The following FAF1 variants were observed in gnomAD, a reference collection of about 807,000 sequenced individuals.
The protein encoded by FAF1 is Fas associated factor 1.
Under a neutral mutation model 92.5 loss-of-function variants are expected in FAF1, and 25 were observed. That is an observed-to-expected ratio of 0.27 (90% CI 0.20 to 0.38). The LOEUF (loss-of-function observed/expected upper bound fraction) is 0.38. Among genes scored for constraint, FAF1 ranks in the 10% least tolerant of loss-of-function variants. The pLI, the probability that FAF1 is intolerant of heterozygous loss-of-function variation, is 1.00. For synonymous variants in FAF1, 234 were observed against 273.2 expected (o/e 0.86, Z 1.42); for missense variants, 636 against 793.3 (o/e 0.80, Z 2.38).
At chr1:50,796,307 A>G (rs1661748815) in intron 3 of FAF1, among the ~76,000 whole-genome samples, 2 of 152,000 alleles carry the variant, frequency 1.3e-5, no homozygotes, top group South Asian at 4.2e-4. Flanking sequence ...ACTGGCACTC[A>G]TTTTGTTTTA....
chr1:50,519,594 T>TA (rs986496942), intron 15 of FAF1, among the ~76,000 whole-genome samples: 26 of 152,314 alleles, frequency 1.7e-4, no homozygotes, highest in African/African-American at 6.0e-4. Flanking sequence ...TGGTTTATGC[T>TA]AAAAATACTC....
chr1:50,607,528 T>C (rs971326156), intron 8 of FAF1, among the ~76,000 whole-genome samples: 5 of 152,234 alleles, frequency 3.3e-5, no homozygotes, highest in Non-Finnish European at 5.9e-5. Context: ...AAAATGTGCC[T>C]TGCATGTGCC....
chr1:50,819,248 A>G (rs536911267), intron 2 of FAF1, among the ~76,000 whole-genome samples: 10 of 152,168 alleles, frequency 6.6e-5, no homozygotes, highest in African/African-American at 2.4e-4. Flanking sequence ...ATCTTGATTG[A>G]GGGAGGGGGG....
intron 18 of FAF1, among the ~76,000 whole-genome samples, chr1:50,475,175 T>C (rs1201151840): frequency 1.3e-5 from 2 of 152,212 alleles, no homozygotes; most frequent in African/African-American, 4.8e-5. Flanking sequence ...ATTTGAGGAA[T>C]ACAGATGAGA....
chr1:50,826,470 C>T (rs1570012275), intron 2 of FAF1, among the ~76,000 whole-genome samples: 1 of 151,516 alleles, frequency 6.6e-6, no homozygotes, highest in South Asian at 2.1e-4. Context: ...GAATCACTTG[C>T]ACCTGGGAGG....
At chr1:50,825,293 T>C (rs1644086164) in intron 2 of FAF1, among the ~76,000 whole-genome samples, 1 of 151,984 alleles carries the variant, frequency 6.6e-6, no homozygotes, top group Non-Finnish European at 1.5e-5. Flanking sequence ...AAACCTTAAA[T>C]ATAAAAACCT....
At chr1:50,493,275 T>C in intron 15 of FAF1, among the ~76,000 whole-genome samples, 1 of 152,100 alleles carries the variant, frequency 6.6e-6, no homozygotes, top group East Asian at 1.9e-4. Context: ...TCAAGTGATC[T>C]GCCTGCCTTG....
At chr1:50,480,670 C>T (rs910914192) in intron 17 of FAF1, among the ~76,000 whole-genome samples, 2 of 152,130 alleles carry the variant, frequency 1.3e-5, no homozygotes, top group African/African-American at 2.4e-5. Context: ...TTTCAGTCAA[C>T]GATGGACTGT....
chr1:50,643,396 C>G (rs183870033), intron 8 of FAF1, among the ~76,000 whole-genome samples: 1 of 151,762 alleles, frequency 6.6e-6, no homozygotes, highest in African/African-American at 2.4e-5. Flanking sequence ...TTCCATATTG[C>G]TTATTAATTT....
At chr1:50,455,729 T>C (rs1214585865) in intron 18 of FAF1, among the ~76,000 whole-genome samples, 1 of 152,228 alleles carries the variant, frequency 6.6e-6, no homozygotes, top group Non-Finnish European at 1.5e-5. Flanking sequence ...ACATAACAAG[T>C]GGCTAGAAGA....
At chr1:50,888,719 T>G (rs1215356765) in intron 1 of FAF1, among the ~76,000 whole-genome samples, 2 of 152,214 alleles carry the variant, frequency 1.3e-5, no homozygotes, top group African/African-American at 4.8e-5. Context: ...GAAGCCCACC[T>G]GATCATGGTG....
intron 18 of FAF1, among the ~76,000 whole-genome samples, chr1:50,449,619 A>T (rs1023309947): frequency 2.7e-5 from 4 of 150,316 alleles, no homozygotes; most frequent in African/African-American, 7.3e-5. Context: ...CCTCCCAAAT[A>T]GTTGGGACTA....
chr1:50,727,434 T>A (rs986288088), intron 6 of FAF1, among the ~76,000 whole-genome samples: 1 of 152,178 alleles, frequency 6.6e-6, no homozygotes, highest in South Asian at 2.1e-4. Flanking sequence ...CTAAGGCAAA[T>A]GTCTTTAGAA....
intron 8 of FAF1, among the ~76,000 whole-genome samples, chr1:50,603,290 C>T (rs1004004899): frequency 1.3e-5 from 2 of 152,126 alleles, no homozygotes; most frequent in East Asian, 3.8e-4. Flanking sequence ...TAAAGACTAT[C>T]GTGATTGTAC....
chr1:50,589,401 G>A (rs573122335), intron 9 of FAF1, among the ~76,000 whole-genome samples: 494 of 152,236 alleles, frequency 3.2e-3, no homozygotes, highest in Non-Finnish European at 5.7e-3. Flanking sequence ...CTCCAGGTGG[G>A]GAAGGGAGAG....
At chr1:50,837,579 G>A (rs1226293771) in intron 2 of FAF1, among the ~76,000 whole-genome samples, 3 of 152,216 alleles carry the variant, frequency 2.0e-5, no homozygotes, top group African/African-American at 7.2e-5. Context: ...TAAAACGCTA[G>A]TCAAGTAACT....
intron 7 of FAF1, among the ~76,000 whole-genome samples, chr1:50,662,313 T>A (rs1166964959): frequency 2.0e-5 from 3 of 152,228 alleles, no homozygotes; most frequent in African/African-American, 7.2e-5. Flanking sequence ...ATCTTTTGCC[T>A]CTAAATGAAT....
intron 13 of FAF1, among the ~76,000 whole-genome samples, chr1:50,543,625 T>C (rs753062945): frequency 3.8e-4 from 58 of 152,214 alleles, no homozygotes; most frequent in Non-Finnish European, 6.6e-4. Context: ...TAATAATATT[T>C]AACACTTTTA....
chr1:50,758,365 T>A (rs550842237), intron 4 of FAF1, among the ~76,000 whole-genome samples: 1 of 152,350 alleles, frequency 6.6e-6, no homozygotes, highest in South Asian at 2.1e-4. Context: ...AACATACATT[T>A]TTAACTCAAC....
Sources: gnomAD v4.1 joint callset for allele counts (sites outside exome capture counted in the v4.1 genomes callset) on GRCh38, gnomAD v4.1.1 for gene constraint, MANE v1.5 for transcripts, NCBI Gene and HGNC (gene_info 2026-07-23, HGNC 2026-07-21) for gene names.